The following AGBL4 variants were observed in gnomAD, a reference collection of about 807,000 sequenced individuals.
AGBL4 encodes cytosolic carboxypeptidase 6.
Under a neutral mutation model 66.4 loss-of-function variants are expected in AGBL4, and 58 were observed. The observed-to-expected ratio is 0.87, with a 90% CI of 0.71 to 1.09. The LOEUF (loss-of-function observed/expected upper bound fraction) is 1.09, where lower values mean the gene tolerates loss of function less well. Ranked by LOEUF, AGBL4 falls within the 50% of genes least tolerant of loss-of-function variation. AGBL4 has a pLI of 0.00. For synonymous variants in AGBL4, 234 were observed against 222.9 expected, an observed-to-expected ratio of 1.05 and a Z score of -0.44; for missense variants, 579 against 631.0, an observed-to-expected ratio of 0.92 and a Z score of 0.88.
intron 1 of AGBL4, among the ~76,000 whole-genome samples, chr1:49,982,970 G>A (rs1443157832): frequency 6.6e-6 from 1 of 152,144 alleles, no homozygotes; most frequent in African/African-American, 2.4e-5. Context: ...AGAACAGCCT[G>A]GCTATGAATA....
intron 5 of AGBL4, among the ~76,000 whole-genome samples, chr1:48,956,522 A>G (rs11205577): frequency 0.15 from 23,058 of 152,190 alleles, 3,280 homozygotes; most frequent in African/African-American, 0.37. Context: ...CATAACTGCA[A>G]TTGCTTACAG....
At position 49,253,225 on chromosome 1, in the gene AGBL4, A is replaced by G. The variant is rs142038524; in HGVS notation, c.283-7361T>C. Among the ~76,000 whole-genome samples the G allele has an allele frequency of 1.6e-3, 242 of 152,338 alleles. 4 individuals are homozygous for G. The highest frequency in any genetic ancestry group is 5.7e-3 in the African/African-American group (235 of 41,582). ...AAATGGACAAAAATCTACCAAGCAAACAAAAAACAGAAAAAAGCAAAGGTT... is the reference window on the plus strand; with the variant it reads ...AAATGGACAAAAATCTACCAAGCAAGCAAAAAACAGAAAAAAGCAAAGGTT... On this transcript the variant is annotated intron_variant, in intron 3 of 13. Coordinates refer to ENST00000371839, the MANE Select transcript of AGBL4 (RefSeq NM_032785.4).
At chr1:49,950,764 C>T (rs2148323911) in intron 1 of AGBL4, among the ~76,000 whole-genome samples, 1 of 151,724 alleles carries the variant, frequency 6.6e-6, no homozygotes, top group South Asian at 2.1e-4. Flanking sequence ...ACCAGTATGT[C>T]AAAGAGATAT....
At chr1:48,650,536 CA>C (rs1450230085) in intron 8 of AGBL4, among the ~76,000 whole-genome samples, 1 of 152,032 alleles carries the variant, frequency 6.6e-6, no homozygotes, top group Non-Finnish European at 1.5e-5. Context: ...CTCCCTCCCC[CA>C]CCGCCACCTT....
chr1:48,714,372 T>G (rs1647015283), intron 6 of AGBL4, among the ~76,000 whole-genome samples: 1 of 152,176 alleles, frequency 6.6e-6, no homozygotes, highest in Non-Finnish European at 1.5e-5. Flanking sequence ...GTCCACCCAC[T>G]CAGCCAAGCC....
At chr1:49,560,388 A>G (rs895289225) in intron 3 of AGBL4, among the ~76,000 whole-genome samples, 2 of 152,168 alleles carry the variant, frequency 1.3e-5, no homozygotes, top group Non-Finnish European at 2.9e-5. Context: ...AAAAGAAAAA[A>G]TTAGTGAGCC....
chr1:48,650,444 A>ACATTCCTT (rs376697224), intron 8 of AGBL4, among the ~76,000 whole-genome samples: 4 of 147,024 alleles, frequency 2.7e-5, no homozygotes, highest in African/African-American at 1.0e-4. Context: ...CTGAGAACCA[A>ACATTCCTT]CCTTCCTTCC....
chr1:48,957,532 A>T (rs1657582043), intron 5 of AGBL4, among the ~76,000 whole-genome samples: 1 of 152,186 alleles, frequency 6.6e-6, no homozygotes, highest in Non-Finnish European at 1.5e-5. Context: ...TTACTTTACA[A>T]AGTGATTGTG....
chr1:49,192,075 C>G (rs1018007768), intron 4 of AGBL4, among the ~76,000 whole-genome samples: 1 of 152,158 alleles, frequency 6.6e-6, no homozygotes, highest in Non-Finnish European at 1.5e-5. Context: ...TTCCTACCAA[C>G]AGTGTATAAC....
At chr1:48,743,921 C>T (rs953442173) in intron 6 of AGBL4, among the ~76,000 whole-genome samples, 4 of 152,198 alleles carry the variant, frequency 2.6e-5, no homozygotes, top group Admixed American at 2.0e-4. Context: ...CAGCTGCTAA[C>T]TGAAAGACGA....
intron 2 of AGBL4, among the ~76,000 whole-genome samples, chr1:49,835,584 A>G (rs951307896): frequency 6.6e-6 from 1 of 152,126 alleles, no homozygotes; most frequent in Non-Finnish European, 1.5e-5. Context: ...TAAGGCTAAC[A>G]TTGCTATGTG....
chr1:48,556,559 A>G (rs1382801802), intron 11 of AGBL4, among the ~76,000 whole-genome samples: 1 of 152,202 alleles, frequency 6.6e-6, no homozygotes, highest in Non-Finnish European at 1.5e-5. Context: ...CCTCTGCCCA[A>G]AAGGCTGTTC....
At chr1:49,422,305 A>G (rs571959882) in intron 3 of AGBL4, among the ~76,000 whole-genome samples, 13 of 152,336 alleles carry the variant, frequency 8.5e-5, no homozygotes, top group Non-Finnish European at 2.9e-5. Context: ...AAGTGCATCA[A>G]ACTGCTTCTC....
intron 7 of AGBL4, 106 bp from the exon 8 acceptor site, chr1:48,653,557 C>T (rs568348380): frequency 7.2e-6 from 6 of 831,056 alleles, no homozygotes; most frequent in Non-Finnish European, 1.2e-5. Flanking sequence ...TGATTTTGGC[C>T]TGTGTTGTTA....
At chr1:49,143,076 T>C (rs1646149463) in intron 4 of AGBL4, among the ~76,000 whole-genome samples, 1 of 152,144 alleles carries the variant, frequency 6.6e-6, no homozygotes, top group South Asian at 2.1e-4. Flanking sequence ...CCCTGAGACC[T>C]GCTGTTGCCC....
At chr1:49,595,255 A>T (rs540708305) in intron 3 of AGBL4, among the ~76,000 whole-genome samples, 1 of 151,648 alleles carries the variant, frequency 6.6e-6, no homozygotes, top group Admixed American at 6.6e-5. Context: ...CACCCAGCCA[A>T]TTTTTTTGTA....
intron 3 of AGBL4, among the ~76,000 whole-genome samples, chr1:49,307,150 C>CT (rs1278435154): frequency 6.6e-6 from 1 of 152,100 alleles, no homozygotes; most frequent in Non-Finnish European, 1.5e-5. Flanking sequence ...ATAATGTATC[C>CT]TTTTTTGTAA....
chr1:50,007,826 G>T (rs1219847537), intron 1 of AGBL4, among the ~76,000 whole-genome samples: 1 of 151,920 alleles, frequency 6.6e-6, no homozygotes, highest in Non-Finnish European at 1.5e-5. Context: ...GAAAATAAAC[G>T]GATGAAAAAA....
chr1:49,033,310 G>A (rs763278013), intron 5 of AGBL4, among the ~76,000 whole-genome samples: 1 of 152,120 alleles, frequency 6.6e-6, no homozygotes, highest in African/African-American at 2.4e-5. Context: ...GAACTCTACT[G>A]AGAGGTGGAT....
Sources: gnomAD v4.1 joint callset for allele counts (sites outside exome capture counted in the v4.1 genomes callset) on GRCh38, gnomAD v4.1.1 for gene constraint, MANE v1.5 for transcripts, NCBI Gene and HGNC (gene_info 2026-07-23, HGNC 2026-07-21) for gene names.